The following ZNF276 variants were observed in gnomAD, a reference collection of about 807,000 sequenced individuals.
ZNF276 encodes the protein centromere protein Z.
Under a neutral mutation model 63.9 loss-of-function variants are expected in ZNF276, and 59 were observed. That is an observed-to-expected ratio of 0.92 (90% CI 0.75 to 1.15). The LOEUF (loss-of-function observed/expected upper bound fraction) is 1.15, where lower values mean the gene tolerates loss of function less well. ZNF276 is among the 50% of genes most tolerant of loss of function. ZNF276 has a pLI of 0.00. For missense variants in ZNF276, 1,084 were observed against 843.8 expected (o/e 1.28, Z -3.53); for synonymous variants, 496 against 348.4 (o/e 1.42, Z -4.72).
intron 9 of ZNF276, 165 bp from the exon 10 acceptor site, chr16:89,737,641 G>C: frequency 2.9e-6 from 4 of 1,363,450 alleles, no homozygotes; most frequent in Non-Finnish European, 3.9e-6. Context: ...GCAGTTTAAA[G>C]ATCTTAATAA....
intron 6 of ZNF276, among the ~76,000 whole-genome samples, chr16:89,729,621 A>G (rs753420349): frequency 2.0e-5 from 3 of 152,062 alleles, no homozygotes; most frequent in African/African-American, 4.8e-5. Context: ...CTTGCTTGAG[A>G]AGGAGGCTCT....
Position 89,739,985 on chromosome 16 carries a change from G to A in ZNF276, c.*1739G>A, listed in dbSNP as rs201323033. On this transcript the variant is annotated 3_prime_UTR_variant, in exon 11 of 11. Transcript: ENST00000443381. ...CTCCGCATTTGTGCCTCAGCAGCGTGTTTCTTACCACTCTCTGTCAACTGA... is the reference window on the plus strand; with the variant it reads ...CTCCGCATTTGTGCCTCAGCAGCGTATTTCTTACCACTCTCTGTCAACTGA... 1.2e-6 allele frequency: 2 copies of A among 1,613,950 alleles called. No homozygotes were observed. Among genetic ancestry groups the A allele is most frequent in the East Asian group, 2.2e-5 (1 of 44,868 alleles).
In ZNF276 at chr16:89,733,503, C is replaced by T; in HGVS notation, c.1302C>T (p.Tyr434=). The T allele has an allele frequency of 6.2e-7, 1 of 1,614,210 alleles. No individual in the cohort carries two copies. Among genetic ancestry groups the T allele is most frequent in the Non-Finnish European group, 8.5e-7 (1 of 1,180,046 alleles). ...GCAGGGAGGAGCTTCCCACCATCTACAAGTGTCCTTACCAGGGCTGCACGG... is the reference window on the plus strand; with the variant it reads ...GCAGGGAGGAGCTTCCCACCATCTATAAGTGTCCTTACCAGGGCTGCACGG... ...RCEREELPTI[Y]KCPYQGCTAV... Residue 434 remains tyrosine (Y), a synonymous_variant, in exon 8 of 11, where the codon TAC becomes TAT. Transcript: ENST00000443381.
chr16:89,726,579 C>T (rs765607628), intron 4 of ZNF276, among the ~76,000 whole-genome samples: 11 of 152,086 alleles, frequency 7.2e-5, no homozygotes, highest in Non-Finnish European at 1.5e-4. Context: ...GATCCACCCG[C>T]GTCAGCCTCC....
At chr16:89,723,745 G>T in intron 4 of ZNF276, 36 bp downstream of exon 4, 1 of 1,584,702 alleles carries the variant, frequency 6.3e-7, no homozygotes, top group Non-Finnish European at 8.6e-7. Flanking sequence ...AGACCAGGAT[G>T]TGTGCTCCTC....
In ZNF276 at chr16:89,739,380, G is replaced by A. The variant is rs1189665706; in HGVS notation, c.*1134G>A. On this transcript the variant is annotated 3_prime_UTR_variant, in exon 11 of 11. Coordinates refer to ENST00000443381, the MANE Select transcript of ZNF276 (RefSeq NM_001113525.2). ...GATACTGCTCATCTGTGGAGCAGAG[G>A]CACAGACAACCCTTCCCATCTGGCG... is the stretch of plus-strand genomic sequence containing the variant. 3.2e-6 allele frequency: 5 copies of A among 1,578,982 alleles called. No homozygotes were observed. Among genetic ancestry groups the A allele is most frequent in the Non-Finnish European group, 4.3e-6 (5 of 1,155,378 alleles).
rs76106472 is a variant in ZNF276, at chr16:89,729,286, G to A, written c.1137G>A (p.Ser379=). Residue 379 remains serine (S), a synonymous_variant, in exon 6 of 11, where the codon TCG becomes TCA. Coordinates refer to ENST00000443381, the MANE Select transcript of ZNF276 (RefSeq NM_001113525.2). ...ENDKKQNAQS[S]DESFEPYPER... ...ACAAGAAGCAAAATGCCCAGTCTTC[G>A]GACGAGTCCTTTGAGCCTTACCCAG... The A allele has an allele frequency of 1.0e-4, 164 of 1,614,108 alleles. No homozygotes were observed. In the East Asian group the frequency reaches 2.8e-3, roughly 27 times the overall value.
At chr16:89,732,603 A>G in intron 6 of ZNF276, 1 of 185,350 alleles carries the variant, frequency 5.4e-6, no homozygotes, top group Non-Finnish European at 1.1e-5. Flanking sequence ...CTCAGAACCC[A>G]CCCCTGCTGT....
chr16:89,720,574 C>T (rs2061232688), upstream of ZNF276: 2 of 1,197,398 alleles, frequency 1.7e-6, no homozygotes, highest in Admixed American at 4.5e-5. Flanking sequence ...AGGATCTGAG[C>T]TGTCCAAGGT....
Position 89,723,273 on chromosome 16 carries a change from A to G in ZNF276, c.570A>G (p.Thr190=), listed in dbSNP as rs1050661341. Reference sequence around the variant, plus strand: ...GACTCTCTGCAGTGGATCTGATCACATCCAGCCCCCAGTGCCTGCACGGCT... The same window carrying G: ...GACTCTCTGCAGTGGATCTGATCACGTCCAGCCCCCAGTGCCTGCACGGCT... ...EEGACLVDLI[T]SSPQCLHGLV... The change falls in exon 4 of 11, where the codon ACA becomes ACG. Residue 190 remains threonine, a synonymous_variant. Transcript: ENST00000443381. 3.7e-6 allele frequency: 6 copies of G among 1,612,942 alleles called. No homozygotes were observed. Among genetic ancestry groups the G allele is most frequent in the African/African-American group, 2.7e-5 (2 of 74,942 alleles).
chr16:89,722,908 G>A lies in ZNF276; in HGVS notation c.509+74G>A, dbSNP rs545254617. ...GTGACGGGTGTTGAGAGAGGGACAG[G>A]GCGTGCCTCCGCGGGAGCCTCTGGG... On this transcript the variant is annotated intron_variant, in intron 2 of 10. Transcript: ENST00000443381. 1.6e-4 allele frequency: 245 copies of A among 1,562,328 alleles called. No homozygotes were observed. The Admixed American group carries it at 4.1e-3, about 26-fold the overall frequency.
chr16:89,736,311 G>A (rs8054492), intron 9 of ZNF276, among the ~76,000 whole-genome samples: 26,298 of 149,428 alleles, frequency 0.18, 2,403 homozygotes, highest in African/African-American at 0.22. Context: ...ACAGGCATGA[G>A]CCACCGTGCC....
chr16:89,740,665 G>C lies in ZNF276; in HGVS notation c.*2419G>C. 4.4e-6 allele frequency: 3 copies of C among 688,412 alleles called. No individual in the cohort carries two copies. Among genetic ancestry groups the C allele is most frequent in the Non-Finnish European group, 5.2e-6 (2 of 387,442 alleles). The allele number at this position is 688,412 out of a possible 1,614,324, so 42.6% of individuals were successfully genotyped here. ...AAAAAAAAAAAAAAACCCACGGCCT[G>C]GGAGTTCTCACTCACACTTCCGCAA... On this transcript the variant is annotated 3_prime_UTR_variant, in exon 11 of 11. Coordinates refer to ENST00000443381, the MANE Select transcript of ZNF276 (RefSeq NM_001113525.2).
At position 89,723,957 on chromosome 16, in the gene ZNF276, A is replaced by G. The variant is rs545495235; in HGVS notation, c.1006+248A>G. 1.9e-3 allele frequency among the ~76,000 whole-genome samples: 287 copies of G among 152,364 alleles called. 2 individuals carry two copies. Among genetic ancestry groups the G allele is most frequent in the Admixed American group, 9.0e-3 (138 of 15,306 alleles). On this transcript the variant is annotated intron_variant, in intron 4 of 10. Transcript: ENST00000443381. ...CTGTTCCAGCAGTTTCTGTGGAGAC[A>G]CGCTCATCAGCCGTCGAGTCTTTTT...
At chr16:89,720,582 G>C, upstream of ZNF276, 2 of 1,219,098 alleles carry the variant, frequency 1.6e-6, no homozygotes, top group Non-Finnish European at 2.0e-6. Context: ...AGCTGTCCAA[G>C]GTCACTGCAC....
In ZNF276 at chr16:89,739,256, G is replaced by A. The variant is rs1170585613; in HGVS notation, c.*1010G>A. 1 of 1,614,146 alleles carries A rather than the reference G, an allele frequency of 6.2e-7. No homozygotes were observed. The highest frequency in any genetic ancestry group is 2.2e-5 in the East Asian group (1 of 44,888). On this transcript the variant is annotated 3_prime_UTR_variant, in exon 11 of 11. Transcript: ENST00000443381. ...CAACATGCAGGAAGGCCTCTTCCCTGATGGCCGCGTCTTCATGGAAGTAGG... is the reference window on the plus strand; with the variant it reads ...CAACATGCAGGAAGGCCTCTTCCCTAATGGCCGCGTCTTCATGGAAGTAGG...
rs761705192 is a variant in ZNF276 at position 89,740,070 on chromosome 16, G to T, written c.*1824G>T. ...AACACTCGAGGATTGCTGCACAAACGTGGAAAGCCTTTGGCAGGTCTGTGG... is the reference window on the plus strand; with the variant it reads ...AACACTCGAGGATTGCTGCACAAACTTGGAAAGCCTTTGGCAGGTCTGTGG... On this transcript the variant is annotated 3_prime_UTR_variant, in exon 11 of 11. Transcript: ENST00000443381. The T allele has an allele frequency of 2.5e-6, 4 of 1,614,160 alleles. No individual in the cohort carries two copies. Among genetic ancestry groups the T allele is most frequent in the Non-Finnish European group, 3.4e-6 (4 of 1,180,016 alleles).
chr16:89,723,751 T>A (rs375134500), intron 4 of ZNF276, 42 bp downstream of exon 4: 1 of 1,566,278 alleles, frequency 6.4e-7, no homozygotes, highest in Non-Finnish European at 8.7e-7. Context: ...GGATGTGTGC[T>A]CCTCAGTGGG....
intron 6 of ZNF276, among the ~76,000 whole-genome samples, chr16:89,730,640 TA>T (rs1470619756): frequency 6.6e-6 from 1 of 152,018 alleles, no homozygotes; most frequent in African/African-American, 2.4e-5. Context: ...AGGTCTCTAA[TA>T]AAAGGGGTGA....
Sources: allele counts gnomAD v4.1 joint callset (sites outside exome capture counted in the v4.1 genomes callset), GRCh38; gene constraint gnomAD v4.1.1; transcripts MANE v1.5; gene names NCBI Gene and HGNC (gene_info 2026-07-23, HGNC 2026-07-21).